The following CACNA1D variants were observed in gnomAD, a reference collection of about 807,000 sequenced individuals.
CACNA1D encodes voltage-dependent L-type calcium channel subunit alpha-1D.
Under a neutral mutation model 257.1 loss-of-function variants are expected in CACNA1D, and 55 were observed. The observed-to-expected ratio is 0.21, with a 90% CI of 0.17 to 0.27. The LOEUF is 0.27. CACNA1D is among the 10% of genes least tolerant of loss of function. The pLI is 1.00. For missense variants in CACNA1D, 1,876 were observed against 2,784.0 expected (o/e 0.67, Z 7.34); for synonymous variants, 980 against 1,014.9 (o/e 0.97, Z 0.65).
At chr3:53,523,775 C>A (rs1224829883) in intron 3 of CACNA1D, among the ~76,000 whole-genome samples, 1 of 152,234 alleles carries the variant, frequency 6.6e-6, no homozygotes, top group African/African-American at 2.4e-5. Context: ...GTTCTCATTT[C>A]TTTTTCTTAT....
intron 8 of CACNA1D, among the ~76,000 whole-genome samples, chr3:53,681,179 A>G (rs970502852): frequency 2.6e-5 from 4 of 152,200 alleles, no homozygotes; most frequent in South Asian, 4.1e-4. Flanking sequence ...TTCTCTGGAA[A>G]AAACAAAACA....
At chr3:53,619,332 T>G (rs2093670950) in intron 3 of CACNA1D, among the ~76,000 whole-genome samples, 1 of 152,348 alleles carries the variant, frequency 6.6e-6, no homozygotes, top group Admixed American at 6.5e-5. Flanking sequence ...AAATCCCCAT[T>G]TTCTTTCCTT....
chr3:53,532,576 G>T lies in CACNA1D; in HGVS notation c.483+30856G>T, dbSNP rs565022951. On this transcript the variant is annotated intron_variant, in intron 3 of 47. Transcript: ENST00000350061. Reference sequence around the variant, plus strand: ...TGTTAAGCACTTTTTGGTGGTACTGGAACTTTATCATGTCTCTTGATTTTT... The same window carrying T: ...TGTTAAGCACTTTTTGGTGGTACTGTAACTTTATCATGTCTCTTGATTTTT... Among the ~76,000 whole-genome samples the T allele has an allele frequency of 3.9e-5, 6 of 152,276 alleles. No homozygotes were observed. The South Asian group carries it at 1.2e-3, about 32-fold the overall frequency.
At chr3:53,746,933 T>C (rs1458350501) in intron 25 of CACNA1D, among the ~76,000 whole-genome samples, 1 of 152,210 alleles carries the variant, frequency 6.6e-6, no homozygotes. Flanking sequence ...GTTCGTTTCC[T>C]AGAGCCTACA....
In CACNA1D at chr3:53,499,643, A is replaced by G. The variant is rs190715609; in HGVS notation, c.378-1972A>G. Among the ~76,000 whole-genome samples the G allele has an allele frequency of 9.3e-4, 142 of 152,336 alleles. 1 individual carries two copies. The highest frequency in any genetic ancestry group is 3.3e-3 in the African/African-American group (136 of 41,572). ...ACTGGACCAACATAAAGAAAAAAAAATACAACTTATATTTAGTCTTCCTGA... is the reference window on the plus strand; with the variant it reads ...ACTGGACCAACATAAAGAAAAAAAAGTACAACTTATATTTAGTCTTCCTGA... On this transcript the variant is annotated intron_variant, in intron 2 of 47. Transcript: ENST00000350061.
At chr3:53,606,074 A>G (rs1469455564) in intron 3 of CACNA1D, among the ~76,000 whole-genome samples, 2 of 152,238 alleles carry the variant, frequency 1.3e-5, no homozygotes, top group Non-Finnish European at 2.9e-5. Flanking sequence ...TGGTGTGGGA[A>G]TTGAAGAAAA....
intron 3 of CACNA1D, among the ~76,000 whole-genome samples, chr3:53,545,642 G>A (rs996551090): frequency 5.3e-5 from 8 of 152,200 alleles, no homozygotes; most frequent in African/African-American, 1.9e-4. Context: ...TGGGGGTCAG[G>A]GAAAGACGAA....
chr3:53,518,692 GTCTTT>G (rs1294734793), intron 3 of CACNA1D, among the ~76,000 whole-genome samples: 1 of 152,050 alleles, frequency 6.6e-6, no homozygotes, highest in African/African-American at 2.4e-5. Flanking sequence ...CTTACTCCCC[GTCTTT>G]TCTTTAAGAA....
chr3:53,654,412 TGAA>T (rs2094128899), intron 4 of CACNA1D, among the ~76,000 whole-genome samples: 1 of 152,218 alleles, frequency 6.6e-6, no homozygotes, highest in South Asian at 2.1e-4. Flanking sequence ...AATGGTAGCA[TGAA>T]GAATAGGAAC....
chr3:53,728,913 A>G (rs2094961515), intron 15 of CACNA1D, among the ~76,000 whole-genome samples: 1 of 152,192 alleles, frequency 6.6e-6, no homozygotes, highest in Non-Finnish European at 1.5e-5. Flanking sequence ...CTCAATACAG[A>G]TGATGGATTT....
At chr3:53,652,362 G>A (rs889030629) in intron 4 of CACNA1D, among the ~76,000 whole-genome samples, 1 of 152,180 alleles carries the variant, frequency 6.6e-6, no homozygotes. Context: ...ATTGAGTTAA[G>A]GAGACAGACA....
At chr3:53,775,850 C>A (rs1371816251) in intron 34 of CACNA1D, 36 bp from the exon 35 acceptor site, 1 of 1,608,324 alleles carries the variant, frequency 6.2e-7, no homozygotes, top group Non-Finnish European at 8.5e-7. Context: ...TCCTTCTTTC[C>A]CCCACTAAAG....
intron 8 of CACNA1D, among the ~76,000 whole-genome samples, chr3:53,675,291 T>A (rs574641225): frequency 1.8e-4 from 28 of 152,324 alleles, no homozygotes; most frequent in Middle Eastern, 3.4e-3. Flanking sequence ...AGTGTCTCTC[T>A]CCTAGTAAAC....
At chr3:53,639,779 C>T (rs2093928660) in intron 3 of CACNA1D, among the ~76,000 whole-genome samples, 1 of 151,712 alleles carries the variant, frequency 6.6e-6, no homozygotes, top group Non-Finnish European at 1.5e-5. Context: ...AAAAGAATGA[C>T]TGCTTTCTTG....
At chr3:53,740,740 T>TA (rs1288394213) in intron 21 of CACNA1D, among the ~76,000 whole-genome samples, 4 of 152,024 alleles carry the variant, frequency 2.6e-5, no homozygotes, top group East Asian at 1.9e-4. Flanking sequence ...TTTGCTCATT[T>TA]AAAAAAAATA....
At chr3:53,606,992 C>T (rs1170087614) in intron 3 of CACNA1D, among the ~76,000 whole-genome samples, 1 of 152,186 alleles carries the variant, frequency 6.6e-6, no homozygotes, top group Admixed American at 6.5e-5. Flanking sequence ...GTATAGTAGT[C>T]CATTGTATGG....
At chr3:53,507,485 G>A (rs1351479641) in intron 3 of CACNA1D, among the ~76,000 whole-genome samples, 1 of 152,082 alleles carries the variant, frequency 6.6e-6, no homozygotes, top group Non-Finnish European at 1.5e-5. Flanking sequence ...GGGTGTGGTG[G>A]CGTGCACCTG....
intron 3 of CACNA1D, among the ~76,000 whole-genome samples, chr3:53,578,369 G>A: frequency 6.6e-6 from 1 of 152,148 alleles, no homozygotes; most frequent in East Asian, 1.9e-4. Context: ...GCAGAGGTGA[G>A]GGAGAGGGAG....
chr3:53,745,946 G>A, intron 25 of CACNA1D, 71 bp downstream of exon 25: 1 of 1,217,986 alleles, frequency 8.2e-7, no homozygotes, highest in Middle Eastern at 1.9e-4. Context: ...CACACATGTT[G>A]GCACGTCAGA....
Sources: gnomAD v4.1 joint callset for allele counts (sites outside exome capture counted in the v4.1 genomes callset) on GRCh38, gnomAD v4.1.1 for gene constraint, MANE v1.5 for transcripts, NCBI Gene and HGNC (gene_info 2026-07-23, HGNC 2026-07-21) for gene names.